The following CALN1 variants were observed in gnomAD, a reference collection of about 807,000 sequenced individuals.
CALN1 encodes the protein calneuron 1, also known as calcium-binding protein 8.
In CALN1, 17 loss-of-function variants were observed where a neutral mutation model predicts 30.6. That is an observed-to-expected ratio of 0.56 (90% confidence interval 0.38 to 0.83). The LOEUF (loss-of-function observed/expected upper bound fraction) is 0.83. Ranked by LOEUF, CALN1 falls within the 40% of genes least tolerant of loss-of-function variation. The pLI, the probability that CALN1 is intolerant of heterozygous loss-of-function variation, is 0.00. For missense variants in CALN1, 291 were observed against 354.9 expected (o/e 0.82, Z 1.45); for synonymous variants, 156 against 131.4 (o/e 1.19, Z -1.28).
At chr7:71,881,259 G>T (rs1387079514) in intron 5 of CALN1, among the ~76,000 whole-genome samples, 1 of 151,630 alleles carries the variant, frequency 6.6e-6, no homozygotes, top group East Asian at 2.0e-4. Flanking sequence ...TTTGGGACTG[G>T]GACTGGCTTC....
chr7:72,362,435 G>A (rs148825545), intron 2 of CALN1, among the ~76,000 whole-genome samples: 15 of 152,240 alleles, frequency 9.9e-5, no homozygotes, highest in African/African-American at 3.6e-4. Flanking sequence ...AGCTTCTCTG[G>A]TGGCTTACTA....
At chr7:71,821,788 CTT>C (rs775510268) in intron 5 of CALN1, among the ~76,000 whole-genome samples, 50 of 95,712 alleles carry the variant, frequency 5.2e-4, no homozygotes, top group Non-Finnish European at 4.6e-4. Flanking sequence ...ATGTTTCTTT[CTT>C]TTTTTTTTTT....
intron 3 of CALN1, among the ~76,000 whole-genome samples, chr7:72,210,962 G>A (rs1165062396): frequency 1.3e-5 from 2 of 152,040 alleles, no homozygotes; most frequent in African/African-American, 4.8e-5. Flanking sequence ...GGCTGAGGCA[G>A]GGGGATCCTT....
intron 2 of CALN1, among the ~76,000 whole-genome samples, chr7:72,296,067 G>A (rs1485439146): frequency 3.3e-5 from 5 of 152,120 alleles, no homozygotes; most frequent in African/African-American, 1.2e-4. Flanking sequence ...AGAGTTTTTA[G>A]CATGAAGGTT....
chr7:71,929,760 G>A (rs1358749472), intron 5 of CALN1, among the ~76,000 whole-genome samples: 1 of 152,194 alleles, frequency 6.6e-6, no homozygotes, highest in Non-Finnish European at 1.5e-5. Context: ...TTACCCAGGA[G>A]TGAAATTGAT....
chr7:72,039,411 G>C (rs1224527811), intron 4 of CALN1, among the ~76,000 whole-genome samples: 1 of 152,210 alleles, frequency 6.6e-6, no homozygotes, highest in Non-Finnish European at 1.5e-5. Flanking sequence ...TCCCTGGAGA[G>C]AGTACTGGGC....
chr7:72,141,106 G>A (rs377342321), intron 3 of CALN1, among the ~76,000 whole-genome samples: 34 of 152,246 alleles, frequency 2.2e-4, no homozygotes, highest in African/African-American at 6.0e-4. Context: ...GCCTCTCTGC[G>A]TCCTGAGAAA....
At chr7:72,376,997 A>C (rs1171488910) in intron 2 of CALN1, among the ~76,000 whole-genome samples, 1 of 152,200 alleles carries the variant, frequency 6.6e-6, no homozygotes, top group Non-Finnish European at 1.5e-5. Context: ...CAATTGACCA[A>C]AATGTATATA....
chr7:72,159,831 CAAAAA>C, intron 3 of CALN1, among the ~76,000 whole-genome samples: 1 of 151,850 alleles, frequency 6.6e-6, no homozygotes, highest in Admixed American at 6.6e-5. Context: ...TGGGTAGGTG[CAAAAA>C]ATATTTAGAA....
chr7:71,865,690 T>C (rs977357234), intron 5 of CALN1, among the ~76,000 whole-genome samples: 1 of 152,222 alleles, frequency 6.6e-6, no homozygotes, highest in Non-Finnish European at 1.5e-5. Context: ...TGGTGGCTTC[T>C]GGGGTATTGG....
At chr7:72,384,837 A>T (rs541354418) in intron 2 of CALN1, among the ~76,000 whole-genome samples, 1 of 152,186 alleles carries the variant, frequency 6.6e-6, no homozygotes, top group Non-Finnish European at 1.5e-5. Context: ...TAATATTTAA[A>T]AAGATACTTT....
At chr7:71,935,597 C>A (rs767947966) in intron 5 of CALN1, among the ~76,000 whole-genome samples, 2 of 152,210 alleles carry the variant, frequency 1.3e-5, no homozygotes, top group Non-Finnish European at 2.9e-5. Context: ...TTGGCGCATG[C>A]CTGTAATTCC....
rs562943933 is a variant in CALN1, at chr7:72,377,922, T to A, written c.119+25329A>T. Among the ~76,000 whole-genome samples the A allele has an allele frequency of 2.6e-5, 4 of 152,222 alleles. No individual in the cohort carries two copies. The South Asian group carries it at 8.3e-4, about 32-fold the overall frequency. The stretch of plus-strand genomic sequence containing the variant: ...ACAGCTCTGGGAATGAGTGTTAACT[T>A]CTAAATTCCCAGGAATATATTGGAG... On this transcript the variant is annotated intron_variant, in intron 2 of 6. Transcript: ENST00000395275.
At chr7:71,983,639 C>T (rs1364590342) in intron 5 of CALN1, among the ~76,000 whole-genome samples, 1 of 152,106 alleles carries the variant, frequency 6.6e-6, no homozygotes. Context: ...CCAAGCAATT[C>T]TCCTGCCTCA....
At chr7:71,823,784 AGGCTTAATG>A (rs1271201348) in intron 5 of CALN1, among the ~76,000 whole-genome samples, 2 of 152,158 alleles carry the variant, frequency 1.3e-5, no homozygotes, top group Admixed American at 6.6e-5. Flanking sequence ...AAGGAAAAAG[AGGCTTAATG>A]GACTCACAGT....
chr7:72,338,470 A>AGAGTGTGT (rs1031551970), intron 2 of CALN1, among the ~76,000 whole-genome samples: 1,265 of 74,764 alleles, frequency 0.017, 50 homozygotes, highest in East Asian at 0.046. Flanking sequence ...CCAGCAGCAC[A>AGAGTGTGT]GTGTGTGTGT....
At chr7:72,399,901 G>A (rs1344103074) in intron 2 of CALN1, among the ~76,000 whole-genome samples, 2 of 152,100 alleles carry the variant, frequency 1.3e-5, no homozygotes, top group East Asian at 3.9e-4. Context: ...CACTCTATTA[G>A]TTCATGCAAG....
intron 3 of CALN1, among the ~76,000 whole-genome samples, chr7:72,132,458 C>T (rs1809218692): frequency 6.6e-6 from 1 of 152,102 alleles, no homozygotes; most frequent in East Asian, 1.9e-4. Flanking sequence ...GTAAGTCAAG[C>T]CATTGGGGAC....
At chr7:72,049,983 T>C (rs1227121706) in intron 4 of CALN1, among the ~76,000 whole-genome samples, 1 of 151,430 alleles carries the variant, frequency 6.6e-6, no homozygotes, top group Non-Finnish European at 1.5e-5. Flanking sequence ...CTATACTTTT[T>C]TTTTTTTGTA....
Sources: allele counts gnomAD v4.1 joint callset (sites outside exome capture counted in the v4.1 genomes callset), GRCh38; gene constraint gnomAD v4.1.1; transcripts MANE v1.5; gene names NCBI Gene and HGNC (gene_info 2026-07-23, HGNC 2026-07-21).